The following MKKS variants were observed in gnomAD, a reference collection of about 807,000 sequenced individuals.
The protein encoded by MKKS is molecular chaperone MKKS.
Under a neutral mutation model 33.2 loss-of-function variants are expected in MKKS, and 29 were observed. The observed-to-expected ratio is 0.87, with a 90% CI of 0.65 to 1.19. The LOEUF is 1.19. Ranked by LOEUF, MKKS falls within the 50% of genes most tolerant of loss-of-function variation. MKKS has a pLI of 0.00. For synonymous variants in MKKS, 260 were observed against 244.0 expected, an observed-to-expected ratio of 1.07 and a Z score of -0.61; for missense variants, 661 against 662.3, an observed-to-expected ratio of 1.00 and a Z score of 0.02.
At chr20:10,427,028 T>TGACACACACACA (rs1491117558) in intron 1 of MKKS, among the ~76,000 whole-genome samples, 1,328 of 61,420 alleles carry the variant, frequency 0.022, 21 homozygotes, top group African/African-American at 0.049. Flanking sequence ...AAGAAAACAC[T>TGACACACACACA]GACACACACA....
chr20:10,408,554 A>T, intron 4 of MKKS, 74 bp downstream of exon 4: 9 of 1,530,882 alleles, frequency 5.9e-6, no homozygotes, highest in Non-Finnish European at 8.1e-6. Context: ...CTACGAAAAA[A>T]AAATCATAAT....
At chr20:10,415,530 T>A (rs2064931812) in intron 2 of MKKS, among the ~76,000 whole-genome samples, 1 of 152,202 alleles carries the variant, frequency 6.6e-6, no homozygotes, top group Non-Finnish European at 1.5e-5. Flanking sequence ...AACTTTTGTA[T>A]GGCATGAGGA....
intron 3 of MKKS, among the ~76,000 whole-genome samples, chr20:10,410,182 G>A (rs1390525866): frequency 6.6e-6 from 1 of 151,952 alleles, no homozygotes; most frequent in Non-Finnish European, 1.5e-5. Flanking sequence ...CACATGGTGG[G>A]AACAACAGAT....
At chr20:10,424,108 T>G (rs2064998686) in intron 1 of MKKS, among the ~76,000 whole-genome samples, 1 of 152,170 alleles carries the variant, frequency 6.6e-6, no homozygotes, top group Non-Finnish European at 1.5e-5. Context: ...TTTTTAGAGT[T>G]TTCATTTAAT....
chr20:10,411,039 T>G (rs1397400601), intron 3 of MKKS, among the ~76,000 whole-genome samples: 1 of 150,548 alleles, frequency 6.6e-6, no homozygotes, highest in African/African-American at 2.5e-5. Flanking sequence ...CAGGCTGGAG[T>G]GCAGTGGCGC....
intron 3 of MKKS, among the ~76,000 whole-genome samples, chr20:10,411,047 C>A (rs914764014): frequency 6.7e-6 from 1 of 150,268 alleles, no homozygotes; most frequent in Admixed American, 6.6e-5. Flanking sequence ...AGTGCAGTGG[C>A]GCAATCTCGG....
intron 1 of MKKS, among the ~76,000 whole-genome samples, chr20:10,425,779 A>G (rs980486027): frequency 7.9e-5 from 12 of 151,472 alleles, no homozygotes; most frequent in Non-Finnish European, 1.6e-4. Flanking sequence ...TCAAGTTTGG[A>G]GCAAAGCAAC....
chr20:10,428,312 C>A (rs956924964), intron 1 of MKKS, among the ~76,000 whole-genome samples: 1 of 152,120 alleles, frequency 6.6e-6, no homozygotes. Flanking sequence ...CCAGATTGTT[C>A]CAGATCAGAT....
At chr20:10,431,776 C>CGTAGCAGAAAAG (rs2065055019) in intron 1 of MKKS, 1 of 152,222 alleles carries the variant, frequency 6.6e-6, no homozygotes, top group African/African-American at 2.4e-5. Flanking sequence ...GTCTTCTCTG[C>CGTAGCAGAAAAG]TATATTCCTA....
In MKKS at chr20:10,405,702, A is replaced by C. The variant is rs773184714; in HGVS notation, c.1273-15T>G. ...TCGTTGTGAGTCTAAAGAGTAATAA[A>C]AACATTGAAAACACATACAAAGCAA... On this transcript the variant is annotated splice_polypyrimidine_tract_variant and intron_variant, in intron 5 of 5. Coordinates refer to ENST00000347364, the MANE Select transcript of MKKS (RefSeq NM_170784.3). The C allele has an allele frequency of 6.3e-7, 1 of 1,576,186 alleles. No individual in the cohort carries two copies. Among genetic ancestry groups the C allele is most frequent in the South Asian group, 1.1e-5 (1 of 90,246 alleles).
intron 1 of MKKS, among the ~76,000 whole-genome samples, chr20:10,432,885 T>C (rs1206567503): frequency 1.3e-5 from 2 of 151,328 alleles, no homozygotes. Context: ...CTACTTATAA[T>C]ACCTAATACA....
chr20:10,426,430 C>T (rs971497247), intron 1 of MKKS, among the ~76,000 whole-genome samples: 1 of 152,170 alleles, frequency 6.6e-6, no homozygotes, highest in African/African-American at 2.4e-5. Flanking sequence ...TTTTTTGGGA[C>T]AGTCTCACTC....
intron 1 of MKKS, among the ~76,000 whole-genome samples, chr20:10,432,653 G>T (rs1327142832): frequency 6.6e-6 from 1 of 152,066 alleles, no homozygotes; most frequent in East Asian, 1.9e-4. Flanking sequence ...AATTAGCCAG[G>T]TGCAGTGGCG....
At position 10,412,704 on chromosome 20, in the gene MKKS, C is replaced by T. The variant is rs1600848503; in HGVS notation, c.811G>A (p.Ala271Thr). The stretch of plus-strand genomic sequence containing the variant: ...AGGTTAAGCAGCTGGTCCAAGACTG[C>T]ATTTTCAAGAGAAACCCCATAACTG... ...VVSYGVSLEN[A>T]VLDQLLNLGR... Residue 271 changes from alanine (A) to threonine (T), a missense_variant, in exon 3 of 6, where the codon GCA becomes ACA. Ala to Thr is a moderately conservative substitution (Grantham distance 58). Coordinates refer to ENST00000347364, the MANE Select transcript of MKKS (RefSeq NM_170784.3). 10 of 1,614,154 alleles carry T rather than the reference C, an allele frequency of 6.2e-6. No individual in the cohort carries two copies. In the East Asian group the frequency reaches 2.2e-4, roughly 36 times the overall value.
At chr20:10,407,524 A>T in intron 5 of MKKS, 92 bp downstream of exon 5, 2 of 1,092,280 alleles carry the variant, frequency 1.8e-6, no homozygotes, top group Non-Finnish European at 2.7e-6. Flanking sequence ...AACTAACAAA[A>T]AGACTATAGG....
chr20:10,411,586 G>C (rs931949842), intron 3 of MKKS, among the ~76,000 whole-genome samples: 2 of 152,192 alleles, frequency 1.3e-5, no homozygotes, highest in African/African-American at 4.8e-5. Flanking sequence ...ACAGTCATTT[G>C]AGTCTTACCA....
At chr20:10,428,817 C>T (rs1169766708) in intron 1 of MKKS, among the ~76,000 whole-genome samples, 1 of 150,592 alleles carries the variant, frequency 6.6e-6, no homozygotes. Flanking sequence ...GCACTCCAGC[C>T]TAGGTGACAG....
chr20:10,403,540 G>T lies in MKKS; in HGVS notation c.*1707C>A, dbSNP rs181316412. The stretch of plus-strand genomic sequence containing the variant: ...CTCAGGAGGTAGTTCTTTAAGTACA[G>T]TTCCTGGAACACAGTTGCTTTCCAT... On this transcript the variant is annotated 3_prime_UTR_variant, in exon 6 of 6. Coordinates refer to ENST00000347364, the MANE Select transcript of MKKS (RefSeq NM_170784.3). 1 of 152,332 alleles carries T rather than the reference G, an allele frequency of 6.6e-6. No individual in the cohort carries two copies. The highest frequency in any genetic ancestry group is 1.9e-4 in the East Asian group (1 of 5,186). The allele number at this position is 152,332 out of a possible 1,614,324, so 9.4% of individuals were successfully genotyped here.
chr20:10,413,844 G>T lies in MKKS; in HGVS notation c.-330C>A. ...ATGGACACCTATGAAAGATATCCCA[G>T]CTACAAGAAGCCAGTTCTTTCTAAT... is the stretch of plus-strand genomic sequence containing the variant. On this transcript the variant is annotated 5_prime_UTR_variant, in exon 3 of 6. The change creates a new upstream start codon in the 5' untranslated region. Transcript: ENST00000347364. The T allele has an allele frequency of 4.5e-6, 2 of 447,670 alleles. No homozygotes were observed. Among genetic ancestry groups the T allele is most frequent in the Non-Finnish European group, 3.9e-6 (1 of 254,136 alleles). The allele number at this position is 447,670 out of a possible 1,614,324, so 27.7% of individuals were successfully genotyped here.
Sources: allele counts gnomAD v4.1 joint callset (sites outside exome capture counted in the v4.1 genomes callset), GRCh38; gene constraint gnomAD v4.1.1; transcripts MANE v1.5; gene names NCBI Gene and HGNC (gene_info 2026-07-23, HGNC 2026-07-21).